The following CUEDC1 variants were observed in gnomAD, a reference collection of about 807,000 sequenced individuals.
CUEDC1 encodes the protein CUE domain-containing protein 1.
CUEDC1 carries 30 observed loss-of-function variants against 43.7 expected under a neutral mutation model. The observed-to-expected ratio is 0.69, with a 90% CI of 0.51 to 0.93. CUEDC1 has a LOEUF of 0.93. CUEDC1 is among the 40% of genes least tolerant of loss of function. The pLI, the probability that CUEDC1 is intolerant of heterozygous loss-of-function variation, is 0.00. For missense variants in CUEDC1, 486 were observed against 549.0 expected (o/e 0.89, Z 1.15); for synonymous variants, 223 against 223.6 (o/e 1.00, Z 0.02).
chr17:57,866,806 A>G (rs1024462135), intron 9 of CUEDC1: 22 of 492,552 alleles, frequency 4.5e-5, no homozygotes, highest in Non-Finnish European at 7.7e-5. Flanking sequence ...CCTCATCTAT[A>G]AAATGGGATG....
At chr17:57,866,635 T>C in intron 9 of CUEDC1, 91 bp from the exon 10 acceptor site, 2 of 1,268,792 alleles carry the variant, frequency 1.6e-6, no homozygotes, top group Non-Finnish European at 1.1e-6. Context: ...CTGACCCGAC[T>C]CTCTCTGCCC....
At chr17:57,896,487 G>GGGGGTGT (rs375270781) in intron 1 of CUEDC1, among the ~76,000 whole-genome samples, 14 of 130,372 alleles carry the variant, frequency 1.1e-4, no homozygotes, top group Admixed American at 2.9e-4. Context: ...TGCATTATGG[G>GGGGGTGT]GTGTGTGTGT....
At chr17:57,902,735 A>G (rs886983045) in intron 1 of CUEDC1, among the ~76,000 whole-genome samples, 1 of 152,242 alleles carries the variant, frequency 6.6e-6, no homozygotes, top group African/African-American at 2.4e-5. Flanking sequence ...CGTTGCGGGA[A>G]AGTCCCCGAA....
intron 1 of CUEDC1, among the ~76,000 whole-genome samples, chr17:57,888,377 A>G (rs1433896582): frequency 1.3e-5 from 2 of 152,208 alleles, no homozygotes; most frequent in African/African-American, 4.8e-5. Flanking sequence ...CATTCTGTTG[A>G]CTGAGTGAAG....
chr17:57,937,147 A>AC (rs1267910562), intron 1 of CUEDC1, among the ~76,000 whole-genome samples: 1 of 151,946 alleles, frequency 6.6e-6, no homozygotes, highest in Non-Finnish European at 1.5e-5. Flanking sequence ...GGGCCTGGGC[A>AC]CCCTGCCATG....
At chr17:57,945,127 T>C (rs994646449) in intron 1 of CUEDC1, among the ~76,000 whole-genome samples, 4 of 152,216 alleles carry the variant, frequency 2.6e-5, no homozygotes, top group African/African-American at 9.7e-5. Flanking sequence ...CAAGCCTATA[T>C]ATTTTTTTCA....
chr17:57,938,354 C>T (rs1345233301), intron 1 of CUEDC1, among the ~76,000 whole-genome samples: 2 of 152,222 alleles, frequency 1.3e-5, no homozygotes. Flanking sequence ...CCTGTGCTGG[C>T]CCCGGCCCTG....
intron 10 of CUEDC1, among the ~76,000 whole-genome samples, chr17:57,864,014 A>AAAAAG (rs2073919922): frequency 6.6e-6 from 1 of 151,102 alleles, no homozygotes; most frequent in Non-Finnish European, 1.5e-5. Context: ...AAAAAAAAAA[A>AAAAAG]AAAGAAAGAA....
chr17:57,897,055 G>A (rs1009675117), intron 1 of CUEDC1, among the ~76,000 whole-genome samples: 19 of 152,052 alleles, frequency 1.2e-4, no homozygotes, highest in Admixed American at 7.9e-4. Context: ...ACAGGCATGA[G>A]CCACCGCGCC....
At chr17:57,873,748 A>C (rs2074071079) in intron 3 of CUEDC1, 31 bp from the exon 4 acceptor site, 1 of 1,529,602 alleles carries the variant, frequency 6.5e-7, no homozygotes, top group African/African-American at 1.4e-5. Flanking sequence ...GGGAAGAGGA[A>C]GTCATTAAGC....
intron 1 of CUEDC1, among the ~76,000 whole-genome samples, chr17:57,898,504 G>A (rs1597993771): frequency 6.6e-6 from 1 of 152,154 alleles, no homozygotes; most frequent in East Asian, 1.9e-4. Flanking sequence ...GGATTGCTCT[G>A]AGCAATCTGT....
chr17:57,941,641 G>A (rs73315817), intron 1 of CUEDC1, among the ~76,000 whole-genome samples: 2 of 152,208 alleles, frequency 1.3e-5, no homozygotes, highest in Admixed American at 6.5e-5. Flanking sequence ...ACAGTAAAAG[G>A]TTAAAACCAA....
intron 1 of CUEDC1, among the ~76,000 whole-genome samples, chr17:57,893,585 C>T (rs897493038): frequency 4.6e-5 from 7 of 152,164 alleles, no homozygotes; most frequent in African/African-American, 1.4e-4. Context: ...GCCTCATTCC[C>T]GAGGCCCCCA....
intron 10 of CUEDC1, among the ~76,000 whole-genome samples, chr17:57,863,685 A>T (rs1048976767): frequency 6.6e-6 from 1 of 152,302 alleles, no homozygotes; most frequent in Non-Finnish European, 1.5e-5. Context: ...CTCAGACACC[A>T]GGCTGAAGAG....
chr17:57,928,879 T>G (rs1598015852), intron 1 of CUEDC1, among the ~76,000 whole-genome samples: 1 of 152,066 alleles, frequency 6.6e-6, no homozygotes, highest in East Asian at 1.9e-4. Flanking sequence ...CTGTGTTTAT[T>G]ACTTCTTTCC....
chr17:57,920,414 G>GCA (rs151147189), intron 1 of CUEDC1, among the ~76,000 whole-genome samples: 28 of 150,226 alleles, frequency 1.9e-4, no homozygotes, highest in South Asian at 8.4e-4. Flanking sequence ...CTTTCTCCAT[G>GCA]CACACACACA....
At chr17:57,879,338 A>G (rs1409274703) in intron 3 of CUEDC1, among the ~76,000 whole-genome samples, 3 of 152,236 alleles carry the variant, frequency 2.0e-5, no homozygotes, top group Non-Finnish European at 4.4e-5. Flanking sequence ...GCTCCCAGAA[A>G]GCAGAGGCTG....
chr17:57,914,050 G>A (rs757730131), intron 1 of CUEDC1, among the ~76,000 whole-genome samples: 57 of 152,138 alleles, frequency 3.7e-4, no homozygotes, highest in Non-Finnish European at 1.8e-4. Context: ...CACTGTGCCC[G>A]TTGGTGGCCC....
intron 1 of CUEDC1, among the ~76,000 whole-genome samples, chr17:57,926,394 T>C (rs1415628714): frequency 6.6e-6 from 1 of 152,108 alleles, no homozygotes; most frequent in Admixed American, 6.5e-5. Flanking sequence ...TTGTCCCCAT[T>C]CAAGCCCCTT....
Sources: gnomAD v4.1 joint callset for allele counts (sites outside exome capture counted in the v4.1 genomes callset) on GRCh38, gnomAD v4.1.1 for gene constraint, MANE v1.5 for transcripts, NCBI Gene and HGNC (gene_info 2026-07-23, HGNC 2026-07-21) for gene names.